ARHGAP42: variants seen among roughly 807,000 people sequenced by gnomAD.
The protein encoded by ARHGAP42 is rho GTPase-activating protein 42.
A neutral mutation model predicts 125.0 loss-of-function variants in ARHGAP42; 63 were observed. The ratio of observed to expected loss-of-function variants is 0.50; its 90% confidence interval spans 0.41 to 0.62. The LOEUF is 0.62. Among genes scored for constraint, ARHGAP42 ranks in the 20% least tolerant of loss-of-function variants. The probability of loss-of-function intolerance (pLI) is 0.00; values close to 1 mark genes in which losing one functional copy is unlikely to be tolerated. For synonymous variants in ARHGAP42, 339 were observed against 351.0 expected (o/e 0.97, Z 0.38); for missense variants, 766 against 1,024.2 (o/e 0.75, Z 3.44).
chr11:100,843,419 T>A (rs1864986923), intron 3 of ARHGAP42, among the ~76,000 whole-genome samples: 1 of 152,076 alleles, frequency 6.6e-6, no homozygotes, highest in East Asian at 1.9e-4. Context: ...CTCTTACCAC[T>A]TCTCTTCAGT....
intron 3 of ARHGAP42, among the ~76,000 whole-genome samples, chr11:100,809,343 G>C (rs563723804): frequency 6.6e-6 from 1 of 152,304 alleles, no homozygotes; most frequent in Non-Finnish European, 1.5e-5. Flanking sequence ...AGGTTAAAGG[G>C]ACAGAATATG....
chr11:100,845,530 GT>G (rs749837460), intron 3 of ARHGAP42, among the ~76,000 whole-genome samples: 3 of 151,994 alleles, frequency 2.0e-5, no homozygotes, highest in Non-Finnish European at 2.9e-5. Context: ...TAAAACTTAG[GT>G]TTCCTGGAAG....
At chr11:100,862,725 A>G (rs529503198) in intron 4 of ARHGAP42, among the ~76,000 whole-genome samples, 2 of 152,238 alleles carry the variant, frequency 1.3e-5, no homozygotes, top group African/African-American at 4.8e-5. Context: ...TAAAGTGAAT[A>G]GTGAATTAAA....
chr11:100,774,915 T>C (rs1015890303), intron 2 of ARHGAP42, among the ~76,000 whole-genome samples: 1 of 152,162 alleles, frequency 6.6e-6, no homozygotes. Context: ...CACTGCTGGC[T>C]TGGAAGGAGG....
At chr11:100,848,529 A>T (rs182326025) in intron 3 of ARHGAP42, among the ~76,000 whole-genome samples, 2 of 148,422 alleles carry the variant, frequency 1.3e-5, no homozygotes, top group East Asian at 4.0e-4. Context: ...CCTGAGGTGG[A>T]GTCTTGTACT....
chr11:100,886,338 GA>G (rs1028285810), intron 4 of ARHGAP42, among the ~76,000 whole-genome samples: 12 of 151,942 alleles, frequency 7.9e-5, no homozygotes, highest in South Asian at 2.1e-4. Flanking sequence ...ATAAGTGTAT[GA>G]AAAAAAATTC....
chr11:100,789,564 A>C (rs1005064965), intron 2 of ARHGAP42, among the ~76,000 whole-genome samples: 1 of 152,160 alleles, frequency 6.6e-6, no homozygotes, highest in African/African-American at 2.4e-5. Context: ...TTAGCAGGGT[A>C]ATTATACCTT....
At chr11:100,880,875 G>T (rs998558067) in intron 4 of ARHGAP42, among the ~76,000 whole-genome samples, 3 of 152,012 alleles carry the variant, frequency 2.0e-5, no homozygotes, top group African/African-American at 7.2e-5. Flanking sequence ...TCATATGTTT[G>T]TTGGCCATTT....
At chr11:100,715,896 G>T (rs1285558021) in intron 1 of ARHGAP42, among the ~76,000 whole-genome samples, 1 of 152,184 alleles carries the variant, frequency 6.6e-6, no homozygotes, top group Non-Finnish European at 1.5e-5. Flanking sequence ...TAACGTGGAT[G>T]GTTTCAGATG....
chr11:100,788,704 C>G (rs1348742314), intron 2 of ARHGAP42, among the ~76,000 whole-genome samples: 1 of 152,078 alleles, frequency 6.6e-6, no homozygotes, highest in Non-Finnish European at 1.5e-5. Flanking sequence ...CCAAAGACAC[C>G]AAGTATCTGG....
At chr11:100,737,597 C>T (rs1276224419) in intron 1 of ARHGAP42, among the ~76,000 whole-genome samples, 1 of 152,176 alleles carries the variant, frequency 6.6e-6, no homozygotes, top group Non-Finnish European at 1.5e-5. Context: ...TTCCAGATGG[C>T]CTGCTCCATG....
intron 1 of ARHGAP42, among the ~76,000 whole-genome samples, chr11:100,715,527 G>T (rs1861645467): frequency 6.6e-6 from 1 of 152,142 alleles, no homozygotes; most frequent in African/African-American, 2.4e-5. Context: ...GCCTGTCTGT[G>T]AGTAATAAAG....
chr11:100,763,346 T>C (rs1262257664), intron 1 of ARHGAP42, among the ~76,000 whole-genome samples: 3 of 152,136 alleles, frequency 2.0e-5, no homozygotes, highest in Admixed American at 2.0e-4. Flanking sequence ...TCTTTCACTC[T>C]TTTTCAGGTA....
At chr11:100,961,180 T>C (rs1477683960) in intron 14 of ARHGAP42, among the ~76,000 whole-genome samples, 191 bp downstream of exon 14, 2 of 152,172 alleles carry the variant, frequency 1.3e-5, no homozygotes, top group South Asian at 2.1e-4. Context: ...TTTATAATAC[T>C]GTATTTTTTT....
At chr11:100,972,640 T>C (rs1858280531) in intron 17 of ARHGAP42, among the ~76,000 whole-genome samples, 1 of 152,162 alleles carries the variant, frequency 6.6e-6, no homozygotes, top group African/African-American at 2.4e-5. Flanking sequence ...AGACCTGAAT[T>C]GAAACAGCCA....
intron 1 of ARHGAP42, among the ~76,000 whole-genome samples, chr11:100,710,529 C>T (rs1212588896): frequency 2.1e-5 from 3 of 144,518 alleles, no homozygotes; most frequent in Admixed American, 7.1e-5. Context: ...CCACTGCGCC[C>T]GGCCAGCAGT....
At chr11:100,898,007 T>A (rs925831258) in intron 4 of ARHGAP42, among the ~76,000 whole-genome samples, 10 of 152,190 alleles carry the variant, frequency 6.6e-5, no homozygotes, top group African/African-American at 2.4e-4. Context: ...TATTTTGAGA[T>A]ACATCCCATC....
intron 3 of ARHGAP42, among the ~76,000 whole-genome samples, chr11:100,818,802 T>C (rs967661023): frequency 6.6e-6 from 1 of 152,130 alleles, no homozygotes; most frequent in African/African-American, 2.4e-5. Context: ...TATGGGAAGC[T>C]GTCATCTGGT....
At chr11:100,903,717 T>A (rs375720664) in intron 4 of ARHGAP42, among the ~76,000 whole-genome samples, 13,303 of 36,510 alleles carry the variant, frequency 0.36, 1,589 homozygotes, top group Middle Eastern at 0.44. Flanking sequence ...AAAATATATA[T>A]ATATATATAT....
Sources: allele counts gnomAD v4.1 joint callset (sites outside exome capture counted in the v4.1 genomes callset), GRCh38; gene constraint gnomAD v4.1.1; transcripts MANE v1.5; gene names NCBI Gene and HGNC (gene_info 2026-07-23, HGNC 2026-07-21).